The following CC2D2A variants were observed in gnomAD, a reference collection of about 807,000 sequenced individuals.
The protein encoded by CC2D2A is coiled-coil and C2 domain-containing protein 2A.
A neutral mutation model predicts 212.9 loss-of-function variants in CC2D2A; 155 were observed. That is an observed-to-expected ratio of 0.73 (90% CI 0.64 to 0.83). The LOEUF (loss-of-function observed/expected upper bound fraction) is 0.83. Ranked by LOEUF, CC2D2A falls within the 40% of genes least tolerant of loss-of-function variation. CC2D2A has a pLI of 0.00. For synonymous variants in CC2D2A, 667 were observed against 686.5 expected, an observed-to-expected ratio of 0.97 and a Z score of 0.44; for missense variants, 1,856 against 1,956.2, an observed-to-expected ratio of 0.95 and a Z score of 0.97.
chr4:15,508,844 T>C (rs1716405071), intron 6 of CC2D2A, among the ~76,000 whole-genome samples: 1 of 152,230 alleles, frequency 6.6e-6, no homozygotes, highest in East Asian at 1.9e-4. Context: ...ATCAAGTTTC[T>C]GTCATAGGTA....
chr4:15,472,201 CTT>C (rs1160522775), intron 1 of CC2D2A, among the ~76,000 whole-genome samples: 1 of 152,166 alleles, frequency 6.6e-6, no homozygotes, highest in African/African-American at 2.4e-5. Flanking sequence ...ATAATTATAA[CTT>C]TGGAAAAATC....
At position 15,557,748 on chromosome 4, in the gene CC2D2A, A is replaced by C. The variant is rs367788690; in HGVS notation, c.2829+241A>C. 1.5e-3 allele frequency among the ~76,000 whole-genome samples: 232 copies of C among 152,342 alleles called. 2 individuals carry two copies. The highest frequency in any genetic ancestry group is 5.2e-3 in the African/African-American group (218 of 41,574). ...GTAACCAGGATTCTGAGTCAACTGA[A>C]CTGCATACAATTAGAATTGTAGGGT... On this transcript the variant is annotated intron_variant, in intron 21 of 36. Transcript: ENST00000424120.
rs536970616 is a variant in CC2D2A, at chr4:15,556,492, G to T, written c.2626-812G>T. Among the ~76,000 whole-genome samples, 6 of 152,260 alleles carry T rather than the reference G, an allele frequency of 3.9e-5. No individual in the cohort carries two copies. The South Asian group carries it at 1.0e-3, about 26-fold the overall frequency. Reference sequence around the variant, plus strand: ...TTTCAAATCACATTTCAATAGACACGTCACTTTCATTATTTTCTTTTTAAC... The same window carrying T: ...TTTCAAATCACATTTCAATAGACACTTCACTTTCATTATTTTCTTTTTAAC... On this transcript the variant is annotated intron_variant, in intron 20 of 36. Coordinates refer to ENST00000424120, the MANE Select transcript of CC2D2A (RefSeq NM_001378615.1).
intron 1 of CC2D2A, among the ~76,000 whole-genome samples, chr4:15,472,478 G>A (rs576120603): frequency 7.2e-5 from 11 of 151,970 alleles, no homozygotes; most frequent in East Asian, 1.9e-4. Flanking sequence ...AATAAATTTC[G>A]GTGTCATTTG....
chr4:15,478,318 A>G (rs1465929810), intron 2 of CC2D2A, among the ~76,000 whole-genome samples: 1 of 152,200 alleles, frequency 6.6e-6, no homozygotes, highest in African/African-American at 2.4e-5. Flanking sequence ...TGAAATCCCT[A>G]ATATGATTGT....
At chr4:15,522,187 C>T (rs544277827) in intron 11 of CC2D2A, among the ~76,000 whole-genome samples, 1 of 152,132 alleles carries the variant, frequency 6.6e-6, no homozygotes, top group South Asian at 2.1e-4. Context: ...GTTGACAGAG[C>T]GAGACCTTGT....
chr4:15,546,720 C>T (rs1384857880), intron 17 of CC2D2A, among the ~76,000 whole-genome samples: 1 of 152,214 alleles, frequency 6.6e-6, no homozygotes, highest in East Asian at 1.9e-4. Flanking sequence ...GACAGCAAGT[C>T]AGACTGCTGA....
At chr4:15,487,058 C>T (rs1715040332) in intron 4 of CC2D2A, among the ~76,000 whole-genome samples, 1 of 151,942 alleles carries the variant, frequency 6.6e-6, no homozygotes, top group African/African-American at 2.4e-5. Flanking sequence ...TGTTTTGTGG[C>T]CTGAGATATA....
chr4:15,555,217 A>G lies in CC2D2A; in HGVS notation c.2625+7A>G, dbSNP rs1280335267. On this transcript the variant is annotated splice_region_variant and intron_variant, in intron 20 of 36. Coordinates refer to ENST00000424120, the MANE Select transcript of CC2D2A (RefSeq NM_001378615.1). ...TTTGATGCAGCTTATCTCGGTATGT[A>G]GCAGGAGGCACACATGCCATTTCTT... The G allele has an allele frequency of 6.2e-7, 1 of 1,611,354 alleles. No homozygotes were observed. Among genetic ancestry groups the G allele is most frequent in the African/African-American group, 1.3e-5 (1 of 74,794 alleles).
intron 4 of CC2D2A, 89 bp downstream of exon 4, chr4:15,480,916 T>C: frequency 6.8e-7 from 1 of 1,464,692 alleles, no homozygotes; most frequent in Non-Finnish European, 9.2e-7. Flanking sequence ...TTATGGGTGT[T>C]ATTTTTCATG....
intron 16 of CC2D2A, among the ~76,000 whole-genome samples, chr4:15,540,601 A>G (rs1718375344): frequency 6.6e-6 from 1 of 152,200 alleles, no homozygotes. Context: ...TAGCACAACA[A>G]TGAATGGACT....
intron 4 of CC2D2A, among the ~76,000 whole-genome samples, chr4:15,488,412 A>C (rs1298446470): frequency 6.6e-6 from 1 of 152,142 alleles, no homozygotes; most frequent in Non-Finnish European, 1.5e-5. Context: ...ATGACCTATA[A>C]GGTTTCCACT....
In CC2D2A at chr4:15,586,166, G is replaced by A. The variant is rs951039594; in HGVS notation, c.3985G>A (p.Ala1329Thr). The A allele has an allele frequency of 1.9e-6, 3 of 1,609,402 alleles. No homozygotes were observed. Among genetic ancestry groups the A allele is most frequent in the African/African-American group, 1.3e-5 (1 of 74,810 alleles). The change falls in exon 31 of 37, where the codon GCT becomes ACT. Residue 1329 changes from alanine to threonine, a missense_variant. Transcript: ENST00000424120. ...NNLQATAELVARYVSLIPFLP... is the reference protein window; with the variant it reads ...NNLQATAELVTRYVSLIPFLP... ...CATTTTGATTATACAGGAACTGGTG[G>A]CTCGATATGTGTCCTTGATTCCCTT...
intron 17 of CC2D2A, chr4:15,550,603 G>A (rs1164649906): frequency 2.1e-5 from 8 of 373,066 alleles, no homozygotes; most frequent in East Asian, 1.2e-4. Flanking sequence ...CAGAAGATTA[G>A]TCCAGGCAAG....
intron 7 of CC2D2A, 134 bp downstream of exon 7, chr4:15,510,374 T>A: frequency 1.4e-6 from 1 of 704,150 alleles, no homozygotes; most frequent in East Asian, 2.8e-5. Flanking sequence ...GACAGGCAGA[T>A]ATATTGAGCA....
At chr4:15,507,599 G>A (rs75248334) in intron 6 of CC2D2A, among the ~76,000 whole-genome samples, 7,013 of 152,276 alleles carry the variant, frequency 0.046, 418 homozygotes, top group East Asian at 0.35. Context: ...AAAATCAGCT[G>A]ACAAAAGGCA....
intron 4 of CC2D2A, among the ~76,000 whole-genome samples, chr4:15,488,782 C>G (rs1283350906): frequency 6.6e-6 from 1 of 152,238 alleles, no homozygotes; most frequent in African/African-American, 2.4e-5. Context: ...ATCAGCACCC[C>G]TAACCTATGG....
At chr4:15,512,151 G>A (rs1716602499) in intron 8 of CC2D2A, among the ~76,000 whole-genome samples, 1 of 152,144 alleles carries the variant, frequency 6.6e-6, no homozygotes, top group Non-Finnish European at 1.5e-5. Context: ...ACAGTATGGT[G>A]GTCCTTCAAA....
intron 36 of CC2D2A, among the ~76,000 whole-genome samples, chr4:15,600,913 A>AAAG (rs1553845787): frequency 3.1e-4 from 46 of 147,400 alleles, no homozygotes; most frequent in African/African-American, 5.5e-4. Context: ...CAAAAAAAAA[A>AAAG]AAAAAAAAGA....
Sources: gnomAD v4.1 joint callset for allele counts (sites outside exome capture counted in the v4.1 genomes callset) on GRCh38, gnomAD v4.1.1 for gene constraint, MANE v1.5 for transcripts, NCBI Gene and HGNC (gene_info 2026-07-23, HGNC 2026-07-21) for gene names.